Variants in ABHD3 observed in about 807,000 individuals in gnomAD.
The protein encoded by ABHD3 is abhydrolase domain containing 3, phospholipase, also known as phospholipase ABHD3.
ABHD3 carries 46 observed loss-of-function variants against 48.8 expected under a neutral mutation model. The observed-to-expected ratio is 0.94, with a 90% CI of 0.74 to 1.20. The LOEUF is 1.20. Among genes scored for constraint, ABHD3 ranks in the 50% most tolerant of loss-of-function variants. ABHD3 has a pLI of 0.00. For missense variants in ABHD3, 490 were observed against 497.8 expected (o/e 0.98, Z 0.15); for synonymous variants, 192 against 183.7 (o/e 1.04, Z -0.36).
At chr18:21,690,730 C>CAT (rs1475469141) in intron 3 of ABHD3, among the ~76,000 whole-genome samples, 2 of 151,840 alleles carry the variant, frequency 1.3e-5, no homozygotes, top group African/African-American at 4.8e-5. Context: ...CACAGTGGCT[C>CAT]ATGCCTGTAA....
chr18:21,669,636 A>C (rs2039712144), intron 4 of ABHD3, among the ~76,000 whole-genome samples: 1 of 152,118 alleles, frequency 6.6e-6, no homozygotes, highest in Non-Finnish European at 1.5e-5. Flanking sequence ...AGTACTTCAG[A>C]CTCAACATGC....
intron 6 of ABHD3, 98 bp from the exon 7 acceptor site, chr18:21,657,250 G>T: frequency 9.4e-7 from 1 of 1,062,918 alleles, no homozygotes; most frequent in Non-Finnish European, 1.3e-6. Context: ...CTACCACAGG[G>T]CACAAAGTTG....
intron 3 of ABHD3, 66 bp from the exon 4 acceptor site, chr18:21,684,031 A>G: frequency 1.4e-6 from 2 of 1,427,952 alleles, no homozygotes; most frequent in Admixed American, 3.8e-5. Flanking sequence ...ATAATATTAA[A>G]GTCATCTTAC....
intron 5 of ABHD3, 184 bp downstream of exon 5, chr18:21,663,934 A>T: frequency 7.0e-7 from 1 of 1,428,592 alleles, no homozygotes; most frequent in East Asian, 2.5e-5. Context: ...AAATATTAAA[A>T]TTCACCTGAA....
intron 4 of ABHD3, among the ~76,000 whole-genome samples, chr18:21,670,433 GAACAC>G (rs1185008073): frequency 6.6e-6 from 1 of 152,108 alleles, no homozygotes; most frequent in Non-Finnish European, 1.5e-5. Context: ...TCTTCCTAAT[GAACAC>G]TTGCAGCTGT....
chr18:21,677,791 C>A (rs1038254434), intron 4 of ABHD3, among the ~76,000 whole-genome samples: 1 of 151,812 alleles, frequency 6.6e-6, no homozygotes, highest in African/African-American at 2.4e-5. Context: ...TCAAGCGATT[C>A]CCCTGCCTCA....
chr18:21,655,708 C>A (rs2039330673), intron 8 of ABHD3, among the ~76,000 whole-genome samples: 1 of 151,116 alleles, frequency 6.6e-6, no homozygotes, highest in Non-Finnish European at 1.5e-5. Flanking sequence ...GGCATGGTGG[C>A]GGGCACCTGT....
chr18:21,695,849 T>G (rs1337499042), intron 3 of ABHD3, among the ~76,000 whole-genome samples: 2 of 152,168 alleles, frequency 1.3e-5, no homozygotes, highest in African/African-American at 4.8e-5. Flanking sequence ...TGCACAGTCT[T>G]TGCCACTTCA....
chr18:21,654,101 C>T (rs1244942837), intron 8 of ABHD3, among the ~76,000 whole-genome samples: 2 of 151,870 alleles, frequency 1.3e-5, no homozygotes, highest in Non-Finnish European at 2.9e-5. Flanking sequence ...ATCCACCCAC[C>T]TCGGCCTCCC....
intron 3 of ABHD3, among the ~76,000 whole-genome samples, chr18:21,693,118 G>A (rs1011110105): frequency 2.0e-5 from 3 of 152,180 alleles, no homozygotes; most frequent in Admixed American, 2.0e-4. Flanking sequence ...ACAGTAAGGC[G>A]TAGGCAGTAT....
chr18:21,677,741 T>G (rs2146310085), intron 4 of ABHD3, among the ~76,000 whole-genome samples: 1 of 152,206 alleles, frequency 6.6e-6, no homozygotes, highest in African/African-American at 2.4e-5. Flanking sequence ...TGGAGTGCAG[T>G]GGCGTGATCT....
chr18:21,691,922 A>G (rs2040260282), intron 3 of ABHD3, among the ~76,000 whole-genome samples: 1 of 152,220 alleles, frequency 6.6e-6, no homozygotes, highest in Non-Finnish European at 1.5e-5. Flanking sequence ...CACAGAAATC[A>G]TATGTTTATC....
chr18:21,703,835 G>A, intron 1 of ABHD3, 88 bp from the exon 2 acceptor site: 1 of 1,455,758 alleles, frequency 6.9e-7, no homozygotes, highest in Non-Finnish European at 9.4e-7. Flanking sequence ...TGTCGCTCGC[G>A]CGCGCGCTTC....
chr18:21,670,851 C>T (rs115800345), intron 4 of ABHD3, among the ~76,000 whole-genome samples: 1,978 of 152,150 alleles, frequency 0.013, 47 homozygotes, highest in African/African-American at 0.045. Context: ...CCCCTATCTA[C>T]CAAAAAATAC....
At chr18:21,689,279 G>A (rs1464828996) in intron 3 of ABHD3, among the ~76,000 whole-genome samples, 1 of 152,054 alleles carries the variant, frequency 6.6e-6, no homozygotes, top group Non-Finnish European at 1.5e-5. Context: ...GCTGGGCACA[G>A]TGCTCATGCC....
Position 21,702,370 on chromosome 18 carries a change from C to T in ABHD3, c.455G>A (p.Ser152Asn). ...ILLLPGLTGT[S>N]KESYILHMIH... ...CATATGAAGGATATATGACTCCTTG[C>T]TTGTTCCCGTGAGGCCAGGCAACAA... Residue 152 changes from serine to asparagine, a missense_variant, in exon 3 of 9, where the codon AGC (serine) becomes AAC (asparagine). Coordinates refer to ENST00000289119, the MANE Select transcript of ABHD3 (RefSeq NM_138340.5). 2.5e-6 allele frequency: 4 copies of T among 1,613,898 alleles called. No homozygotes were observed. The highest frequency in any genetic ancestry group is 3.4e-6 in the Non-Finnish European group (4 of 1,179,876).
intron 3 of ABHD3, among the ~76,000 whole-genome samples, chr18:21,692,022 G>C (rs1302278087): frequency 6.6e-6 from 1 of 152,174 alleles, no homozygotes. Context: ...TGCAATCTCA[G>C]CTCACTGCAA....
chr18:21,652,524 C>G (rs1375141761), intron 8 of ABHD3, among the ~76,000 whole-genome samples: 1 of 152,150 alleles, frequency 6.6e-6, no homozygotes, highest in Non-Finnish European at 1.5e-5. Context: ...TGCCTGTAAT[C>G]CCAGCACTTT....
intron 3 of ABHD3, among the ~76,000 whole-genome samples, chr18:21,689,565 A>AAAAG (rs1336910650): frequency 6.6e-6 from 1 of 150,646 alleles, no homozygotes; most frequent in Non-Finnish European, 1.5e-5. Flanking sequence ...AAAAAAAAAA[A>AAAAG]AAAAAAAAAG....
Sources: allele counts gnomAD v4.1 joint callset (sites outside exome capture counted in the v4.1 genomes callset), GRCh38; gene constraint gnomAD v4.1.1; transcripts MANE v1.5; gene names NCBI Gene and HGNC (gene_info 2026-07-23, HGNC 2026-07-21).